PTPRK: variants seen among roughly 807,000 people sequenced by gnomAD.
PTPRK encodes receptor-type tyrosine-protein phosphatase kappa.
In PTPRK, 75 loss-of-function variants were observed where a neutral mutation model predicts 178.0. That is an observed-to-expected ratio of 0.42 (90% CI 0.35 to 0.51). PTPRK has a LOEUF of 0.51. Ranked by LOEUF, PTPRK falls within the 20% of genes least tolerant of loss-of-function variation. PTPRK has a pLI of 0.02. For missense variants in PTPRK, 1,441 were observed against 1,797.8 expected (o/e 0.80, Z 3.59); for synonymous variants, 637 against 620.6 (o/e 1.03, Z -0.39).
intron 1 of PTPRK, among the ~76,000 whole-genome samples, chr6:128,411,962 G>C (rs1360764804): frequency 6.6e-6 from 1 of 152,102 alleles, no homozygotes; most frequent in African/African-American, 2.4e-5. Context: ...TCTAAATCTA[G>C]TAATTTTACA....
chr6:128,352,090 C>T (rs1334712933), intron 2 of PTPRK, among the ~76,000 whole-genome samples: 1 of 151,442 alleles, frequency 6.6e-6, no homozygotes, highest in East Asian at 1.9e-4. Flanking sequence ...CCTGTCTCTA[C>T]CAAAAATACA....
intron 3 of PTPRK, among the ~76,000 whole-genome samples, chr6:128,275,104 A>G (rs145557391): frequency 1.2e-3 from 179 of 152,146 alleles, no homozygotes; most frequent in African/African-American, 4.0e-3. Context: ...TGTACAACAC[A>G]CACTTTCATT....
chr6:128,333,492 AG>A (rs1479495301), intron 2 of PTPRK, among the ~76,000 whole-genome samples: 1 of 152,012 alleles, frequency 6.6e-6, no homozygotes, highest in South Asian at 2.1e-4. Flanking sequence ...TCTAAAAAAA[AG>A]GTATATAAGA....
chr6:128,039,500 T>C (rs1186041301), intron 13 of PTPRK, among the ~76,000 whole-genome samples: 2 of 152,176 alleles, frequency 1.3e-5, no homozygotes, highest in Non-Finnish European at 2.9e-5. Flanking sequence ...AACATTGGAT[T>C]AGTGATTTGT....
At chr6:128,045,549 T>C (rs1246322773) in intron 13 of PTPRK, among the ~76,000 whole-genome samples, 2 of 152,030 alleles carry the variant, frequency 1.3e-5, no homozygotes, top group Admixed American at 6.6e-5. Flanking sequence ...CATTTTATCT[T>C]TTTCTGTATT....
chr6:128,152,618 A>C (rs1485726074), intron 7 of PTPRK, among the ~76,000 whole-genome samples: 1 of 151,900 alleles, frequency 6.6e-6, no homozygotes, highest in African/African-American at 2.4e-5. Context: ...AATGCTAGAA[A>C]TCAAAGGGTC....
At chr6:128,087,588 A>AT (rs917477259) in intron 8 of PTPRK, among the ~76,000 whole-genome samples, 4 of 152,092 alleles carry the variant, frequency 2.6e-5, no homozygotes, top group African/African-American at 9.6e-5. Flanking sequence ...ATATAAGGAT[A>AT]TTTGTGTGTT....
At chr6:128,315,667 T>C (rs1226963975) in intron 3 of PTPRK, among the ~76,000 whole-genome samples, 2 of 152,182 alleles carry the variant, frequency 1.3e-5, no homozygotes, top group Non-Finnish European at 2.9e-5. Flanking sequence ...TGTAATATTA[T>C]GTAATGAATA....
At chr6:128,450,776 A>G (rs1202106085) in intron 1 of PTPRK, among the ~76,000 whole-genome samples, 1 of 152,260 alleles carries the variant, frequency 6.6e-6, no homozygotes, top group African/African-American at 2.4e-5. Flanking sequence ...TGTAAAATTA[A>G]TTGTTAAAAT....
chr6:128,328,338 C>T (rs1829841486), intron 2 of PTPRK, among the ~76,000 whole-genome samples: 1 of 152,126 alleles, frequency 6.6e-6, no homozygotes, highest in Admixed American at 6.6e-5. Flanking sequence ...AAGGGCTTTG[C>T]ATACAGTAGA....
intron 7 of PTPRK, among the ~76,000 whole-genome samples, chr6:128,116,491 C>A (rs553716109): frequency 2.0e-5 from 3 of 152,214 alleles, no homozygotes; most frequent in Non-Finnish European, 4.4e-5. Flanking sequence ...TGTGTCACAA[C>A]CAAAGAGGGA....
intron 1 of PTPRK, among the ~76,000 whole-genome samples, chr6:128,487,384 G>C (rs755816479): frequency 5.3e-5 from 8 of 151,296 alleles, no homozygotes; most frequent in African/African-American, 9.7e-5. Flanking sequence ...AGCCTCAGAA[G>C]CAAAGCCTTA....
intron 13 of PTPRK, among the ~76,000 whole-genome samples, chr6:128,029,486 A>G (rs1774905778): frequency 6.6e-6 from 1 of 151,964 alleles, no homozygotes; most frequent in African/African-American, 2.4e-5. Context: ...CCCGATCACT[A>G]CTAAAAATAC....
At chr6:128,189,036 G>A (rs1269946240) in intron 6 of PTPRK, among the ~76,000 whole-genome samples, 2 of 151,862 alleles carry the variant, frequency 1.3e-5, no homozygotes, top group African/African-American at 2.4e-5. Flanking sequence ...TATTTGGGGG[G>A]CATTTTTCAG....
chr6:128,124,879 T>G (rs1427810056), intron 7 of PTPRK, among the ~76,000 whole-genome samples: 2 of 152,176 alleles, frequency 1.3e-5, no homozygotes, highest in Non-Finnish European at 2.9e-5. Context: ...CACTGGCTCC[T>G]CCATGAGTCA....
intron 22 of PTPRK, among the ~76,000 whole-genome samples, chr6:127,985,016 T>C (rs1175370737): frequency 6.6e-6 from 1 of 152,158 alleles, no homozygotes; most frequent in Non-Finnish European, 1.5e-5. Flanking sequence ...TTATGTAGCT[T>C]GGAGGGAAGA....
intron 2 of PTPRK, among the ~76,000 whole-genome samples, chr6:128,395,049 C>T (rs1008146864): frequency 6.6e-5 from 10 of 152,078 alleles, no homozygotes; most frequent in Non-Finnish European, 1.2e-4. Flanking sequence ...AATAAGCATG[C>T]TTGCTAATTT....
intron 1 of PTPRK, among the ~76,000 whole-genome samples, chr6:128,488,598 T>C (rs754592539): frequency 9.9e-5 from 15 of 152,192 alleles, no homozygotes; most frequent in Non-Finnish European, 2.1e-4. Flanking sequence ...TTCTTTGAAA[T>C]AAGGGTTCCA....
chr6:128,168,466 C>T (rs1178572906), intron 7 of PTPRK, among the ~76,000 whole-genome samples: 1 of 152,060 alleles, frequency 6.6e-6, no homozygotes, highest in Non-Finnish European at 1.5e-5. Flanking sequence ...CCCCAAACCC[C>T]TAGTGACACA....
Sources: allele counts gnomAD v4.1 joint callset (sites outside exome capture counted in the v4.1 genomes callset), GRCh38; gene constraint gnomAD v4.1.1; transcripts MANE v1.5; gene names NCBI Gene and HGNC (gene_info 2026-07-23, HGNC 2026-07-21).